The following AGMO variants were observed in gnomAD, a reference collection of about 807,000 sequenced individuals.
AGMO encodes alkylglycerol monooxygenase.
In AGMO, 75 loss-of-function variants were observed where a neutral mutation model predicts 60.2. That is an observed-to-expected ratio of 1.25 (90% CI 1.03 to 1.51). The LOEUF (loss-of-function observed/expected upper bound fraction) is 1.51. Ranked by LOEUF, AGMO falls within the 40% of genes most tolerant of loss-of-function variation. The pLI is 0.00. For missense variants in AGMO, 763 were observed against 525.5 expected (o/e 1.45, Z -4.42); for synonymous variants, 261 against 177.1 (o/e 1.47, Z -3.76).
chr7:15,316,833 C>A (rs1188335730), intron 12 of AGMO, among the ~76,000 whole-genome samples: 2 of 152,114 alleles, frequency 1.3e-5, no homozygotes, highest in Admixed American at 6.6e-5. Context: ...TTTTAAATAA[C>A]ATACATTTAA....
At chr7:15,260,150 G>A (rs574411778) in intron 12 of AGMO, among the ~76,000 whole-genome samples, 1 of 150,626 alleles carries the variant, frequency 6.6e-6, no homozygotes, top group Non-Finnish European at 1.5e-5. Flanking sequence ...ATGGCAGAAT[G>A]GATAAGAATT....
chr7:15,240,244 T>A (rs10263798), intron 12 of AGMO, among the ~76,000 whole-genome samples: 1 of 152,148 alleles, frequency 6.6e-6, no homozygotes, highest in African/African-American at 2.4e-5. Context: ...TAAGTTTGAA[T>A]TGTAGATAAA....
intron 12 of AGMO, among the ~76,000 whole-genome samples, chr7:15,288,862 A>T (rs28398854): frequency 0.77 from 114,843 of 149,330 alleles, 44,321 homozygotes; most frequent in Middle Eastern, 0.84. Context: ...AAAAAAAAAA[A>T]AAATATATAT....
chr7:15,389,981 C>T (rs1343151239), intron 8 of AGMO, among the ~76,000 whole-genome samples: 2 of 152,094 alleles, frequency 1.3e-5, no homozygotes, highest in Non-Finnish European at 2.9e-5. Flanking sequence ...ACCAGTCCCC[C>T]GTACAGAGCT....
At chr7:15,155,283 T>A in the AGMO span, among the ~76,000 whole-genome samples, 1 of 151,980 alleles carries the variant, frequency 6.6e-6, no homozygotes, top group African/African-American at 2.4e-5. Context: ...TTCCTGGAGG[T>A]TTTGCTGCAT....
chr7:15,534,783 G>A (rs1008972989), intron 3 of AGMO, among the ~76,000 whole-genome samples: 1 of 151,748 alleles, frequency 6.6e-6, no homozygotes, highest in East Asian at 1.9e-4. Flanking sequence ...CTAACAGTGA[G>A]AAAAAAATTA....
intron 10 of AGMO, among the ~76,000 whole-genome samples, chr7:15,375,171 T>G (rs893824470): frequency 1.1e-4 from 16 of 152,110 alleles, no homozygotes; most frequent in Admixed American, 3.9e-4. Context: ...CTTTTTTGAA[T>G]GCTCCATAAA....
At chr7:15,149,696 T>A in the AGMO span, among the ~76,000 whole-genome samples, 2 of 152,212 alleles carry the variant, frequency 1.3e-5, no homozygotes, top group Non-Finnish European at 2.9e-5. Flanking sequence ...ACCAGTACCA[T>A]GCTGTTTTGG....
chr7:15,351,885 G>A (rs1782255473), intron 12 of AGMO, among the ~76,000 whole-genome samples: 1 of 147,516 alleles, frequency 6.8e-6, no homozygotes, highest in South Asian at 2.2e-4. Flanking sequence ...ATAGCACTAT[G>A]GATTATGAAT....
chr7:15,329,505 G>A (rs1332700409), intron 12 of AGMO, among the ~76,000 whole-genome samples: 1 of 152,150 alleles, frequency 6.6e-6, no homozygotes, highest in Admixed American at 6.5e-5. Context: ...TCCTTAGTGG[G>A]AAAACATTTG....
intron 5 of AGMO, among the ~76,000 whole-genome samples, chr7:15,395,701 G>T (rs1022256253): frequency 2.6e-5 from 4 of 152,142 alleles, no homozygotes; most frequent in Non-Finnish European, 5.9e-5. Flanking sequence ...CTAATTTTAT[G>T]AATGTTTGAA....
chr7:15,265,859 T>C (rs1024017143), intron 12 of AGMO, among the ~76,000 whole-genome samples: 2 of 152,028 alleles, frequency 1.3e-5, no homozygotes, highest in African/African-American at 2.4e-5. Context: ...TTCTTCACAA[T>C]AGCCAAAACA....
At chr7:15,403,729 A>G (rs1784616897) in intron 5 of AGMO, among the ~76,000 whole-genome samples, 1 of 151,976 alleles carries the variant, frequency 6.6e-6, no homozygotes. Context: ...CTGAATGTTT[A>G]TGGATACATT....
intron 3 of AGMO, among the ~76,000 whole-genome samples, chr7:15,483,897 C>G (rs988037745): frequency 6.6e-6 from 1 of 152,018 alleles, no homozygotes; most frequent in African/African-American, 2.4e-5. Flanking sequence ...GTTAGAGAAC[C>G]TAACCTACCT....
Position 15,560,239 on chromosome 7 carries a change from A to C in AGMO, c.159T>G (p.Leu53=). The C allele has an allele frequency of 1.2e-6, 2 of 1,612,910 alleles. No homozygotes were observed. The highest frequency in any genetic ancestry group is 1.7e-6 in the Non-Finnish European group (2 of 1,179,134). The change falls in exon 2 of 13, where the codon CTT becomes CTG. Residue 53 remains leucine (L), a synonymous_variant. Coordinates refer to ENST00000342526, the MANE Select transcript of AGMO (RefSeq NM_001004320.2). ...ATPFFISLML[L]ELVVSWILKG... Reference sequence around the variant, plus strand: ...TGAGAATCCAGCTGACAACAAGTTCAAGCAGCATCAAAGAAATGAAAAATG... The same window carrying C: ...TGAGAATCCAGCTGACAACAAGTTCCAGCAGCATCAAAGAAATGAAAAATG...
intron 9 of AGMO, among the ~76,000 whole-genome samples, chr7:15,386,798 C>A (rs575918906): frequency 2.0e-5 from 3 of 152,244 alleles, no homozygotes; most frequent in African/African-American, 7.2e-5. Flanking sequence ...TAAAAAGCAC[C>A]TTCTCTTTCT....
intron 3 of AGMO, among the ~76,000 whole-genome samples, chr7:15,440,906 A>T (rs1229533705): frequency 6.6e-6 from 1 of 152,190 alleles, no homozygotes; most frequent in Non-Finnish European, 1.5e-5. Flanking sequence ...TAGCTCCATC[A>T]TTCCCATTTG....
At position 15,560,228 on chromosome 7, in the gene AGMO, A is replaced by T; in HGVS notation, c.170T>A (p.Val57Asp). 1 of 1,613,086 alleles carries T rather than the reference A, an allele frequency of 6.2e-7. No homozygotes were observed. Among genetic ancestry groups the T allele is most frequent in the South Asian group, 1.1e-5 (1 of 91,040 alleles). ...TGGCTTTCCTTTGAGAATCCAGCTG[A>T]CAACAAGTTCAAGCAGCATCAAAGA... ...FISLMLLELV[V>D]SWILKGKPPG... Residue 57 changes from valine to aspartate, a missense_variant, in exon 2 of 13, where the codon GTC (valine) becomes GAC (aspartate). By Grantham distance (152) the Val-to-Asp change is radical. Coordinates refer to ENST00000342526, the MANE Select transcript of AGMO (RefSeq NM_001004320.2).
chr7:15,286,054 CA>C (rs1784088873), intron 12 of AGMO, among the ~76,000 whole-genome samples: 1 of 152,044 alleles, frequency 6.6e-6, no homozygotes, highest in Admixed American at 6.6e-5. Context: ...CCCTATCTCT[CA>C]CCTTATATAA....
Sources: allele counts gnomAD v4.1 joint callset (sites outside exome capture counted in the v4.1 genomes callset), GRCh38; gene constraint gnomAD v4.1.1; transcripts MANE v1.5; gene names NCBI Gene and HGNC (gene_info 2026-07-23, HGNC 2026-07-21).